FAT3: variants seen among roughly 807,000 people sequenced by gnomAD.
FAT3 encodes protocadherin Fat 3.
FAT3 carries 95 observed loss-of-function variants against 310.2 expected under a neutral mutation model. That is an observed-to-expected ratio of 0.31 (90% CI 0.26 to 0.36). The LOEUF (loss-of-function observed/expected upper bound fraction) is 0.36. Ranked by LOEUF, FAT3 falls within the 10% of genes least tolerant of loss-of-function variation. FAT3 has a pLI of 1.00. For missense variants in FAT3, 5,408 were observed against 5,715.6 expected (o/e 0.95, Z 1.74); for synonymous variants, 2,314 against 2,192.9 (o/e 1.06, Z -1.54).
At chr11:92,263,457 T>C (rs2513465) in intron 1 of FAT3, among the ~76,000 whole-genome samples, 1 of 152,074 alleles carries the variant, frequency 6.6e-6, no homozygotes, top group African/African-American at 2.4e-5. Context: ...ATCTGTATCA[T>C]TGCTTTATAA....
At chr11:92,677,925 G>T (rs1196330532) in intron 3 of FAT3, among the ~76,000 whole-genome samples, 2 of 152,182 alleles carry the variant, frequency 1.3e-5, no homozygotes, top group Non-Finnish European at 2.9e-5. Context: ...GGGTTTAAAT[G>T]CTTTCTAGAG....
At chr11:92,853,349 C>A (rs548593106) in intron 19 of FAT3, among the ~76,000 whole-genome samples, 20 of 152,370 alleles carry the variant, frequency 1.3e-4, no homozygotes, top group Middle Eastern at 6.8e-3. Flanking sequence ...ATGCAGAATG[C>A]AGTGGTGCCC....
intron 6 of FAT3, among the ~76,000 whole-genome samples, chr11:92,771,845 A>G (rs1946466017): frequency 1.3e-5 from 2 of 152,066 alleles, no homozygotes; most frequent in East Asian, 1.9e-4. Flanking sequence ...TCTATATGCC[A>G]TATGTAAATG....
chr11:92,652,744 A>G (rs1591567548), intron 3 of FAT3, among the ~76,000 whole-genome samples: 1 of 152,286 alleles, frequency 6.6e-6, no homozygotes, highest in Non-Finnish European at 1.5e-5. Flanking sequence ...TCCCTGTAAT[A>G]ATTTCCCCTT....
chr11:92,499,903 G>C (rs976942327), intron 2 of FAT3, among the ~76,000 whole-genome samples: 1 of 152,012 alleles, frequency 6.6e-6, no homozygotes, highest in African/African-American at 2.4e-5. Context: ...TCAGAGCTTG[G>C]AGTATTAATT....
chr11:92,741,223 T>C (rs912817145), intron 4 of FAT3, among the ~76,000 whole-genome samples: 3 of 152,140 alleles, frequency 2.0e-5, no homozygotes, highest in Non-Finnish European at 4.4e-5. Context: ...TTAATTTTCG[T>C]GGAGACAAAG....
intron 3 of FAT3, among the ~76,000 whole-genome samples, chr11:92,635,072 C>T (rs1368371886): frequency 2.0e-5 from 3 of 152,094 alleles, no homozygotes; most frequent in Non-Finnish European, 4.4e-5. Flanking sequence ...TGGTGAGAAA[C>T]GATATGCCTA....
At chr11:92,373,927 G>A (rs1231857219) in intron 2 of FAT3, among the ~76,000 whole-genome samples, 1 of 151,898 alleles carries the variant, frequency 6.6e-6, no homozygotes, top group Non-Finnish European at 1.5e-5. Flanking sequence ...GAGAAGGAGG[G>A]ATGCCGGTAG....
chr11:92,389,305 A>G (rs1263436332), intron 2 of FAT3, among the ~76,000 whole-genome samples: 1 of 152,230 alleles, frequency 6.6e-6, no homozygotes, highest in African/African-American at 2.4e-5. Flanking sequence ...ACCAGCTCGT[A>G]GATGAGTTTC....
chr11:92,355,415 T>A lies in FAT3; in HGVS notation c.3292+11T>A. On this transcript the variant is annotated intron_variant, in intron 2 of 27. Transcript: ENST00000525166. ...TAGACGACGAGAGTGGTAAGTGTAA[T>A]ATTTTGTGCCAAGAGTGTTGTTTCA... The A allele has an allele frequency of 6.3e-7, 1 of 1,594,656 alleles. No homozygotes were observed. Among genetic ancestry groups the A allele is most frequent in the Non-Finnish European group, 8.6e-7 (1 of 1,166,918 alleles).
At chr11:92,509,960 G>A (rs1180431555) in intron 2 of FAT3, among the ~76,000 whole-genome samples, 1 of 152,064 alleles carries the variant, frequency 6.6e-6, no homozygotes, top group Non-Finnish European at 1.5e-5. Flanking sequence ...TAGTTTGAAT[G>A]CTCCAAAAGT....
Position 92,355,262 on chromosome 11 carries a change from A to C in FAT3, c.3150A>C (p.Gly1050=). Residue 1050 remains glycine, a synonymous_variant, in exon 2 of 28, where the codon GGA becomes GGC. Coordinates refer to ENST00000525166, the MANE Select transcript of FAT3 (RefSeq NM_001367949.2). ...TPYFPDFAVV[G]SVKENSRIGT... ...ATTTCCCAGACTTTGCTGTTGTTGGATCTGTAAAGGAAAACTCACGCATTG... is the reference window on the plus strand; with the variant it reads ...ATTTCCCAGACTTTGCTGTTGTTGGCTCTGTAAAGGAAAACTCACGCATTG... 6.2e-7 allele frequency: 1 copy of C among 1,613,768 alleles called. No individual in the cohort carries two copies. Among genetic ancestry groups the C allele is most frequent in the Non-Finnish European group, 8.5e-7 (1 of 1,179,858 alleles).
intron 6 of FAT3, among the ~76,000 whole-genome samples, chr11:92,769,461 A>G (rs1206791213): frequency 6.6e-6 from 1 of 152,152 alleles, no homozygotes; most frequent in Non-Finnish European, 1.5e-5. Flanking sequence ...CAGACTCTCT[A>G]ATGTGCATGC....
chr11:92,255,833 A>G (rs536515216), intron 1 of FAT3, among the ~76,000 whole-genome samples: 1 of 152,294 alleles, frequency 6.6e-6, no homozygotes, highest in South Asian at 2.1e-4. Context: ...GAAAAATTCC[A>G]TGTCATTCAT....
At chr11:92,720,282 G>C (rs1171063070) in intron 4 of FAT3, among the ~76,000 whole-genome samples, 2 of 152,086 alleles carry the variant, frequency 1.3e-5, no homozygotes, top group African/African-American at 4.8e-5. Flanking sequence ...TAATATCTTT[G>C]AATCTCTGGG....
At chr11:92,268,512 T>C (rs1946030641) in intron 1 of FAT3, among the ~76,000 whole-genome samples, 2 of 152,072 alleles carry the variant, frequency 1.3e-5, no homozygotes, top group African/African-American at 4.8e-5. Context: ...TAATTTTCCT[T>C]GAGTCTGTAA....
At chr11:92,380,805 G>T (rs985374168) in intron 2 of FAT3, among the ~76,000 whole-genome samples, 1 of 152,144 alleles carries the variant, frequency 6.6e-6, no homozygotes, top group Non-Finnish European at 1.5e-5. Flanking sequence ...ATGTGAGTGA[G>T]CTTCTGATGG....
intron 4 of FAT3, among the ~76,000 whole-genome samples, 180 bp downstream of exon 4, chr11:92,697,625 T>A (rs1943980140): frequency 1.3e-5 from 2 of 152,358 alleles, no homozygotes; most frequent in Non-Finnish European, 2.9e-5. Flanking sequence ...AACATGCTCC[T>A]GTGTGCTGAG....
intron 4 of FAT3, among the ~76,000 whole-genome samples, chr11:92,752,663 A>G (rs3901659): frequency 0.31 from 47,435 of 152,038 alleles, 7,685 homozygotes; most frequent in Non-Finnish European, 0.33. Context: ...TGATTATATT[A>G]TATATTGCTT....
Sources: gnomAD v4.1 joint callset for allele counts (sites outside exome capture counted in the v4.1 genomes callset) on GRCh38, gnomAD v4.1.1 for gene constraint, MANE v1.5 for transcripts, NCBI Gene and HGNC (gene_info 2026-07-23, HGNC 2026-07-21) for gene names.